The following ZCCHC14 variants were observed in gnomAD, a reference collection of about 807,000 sequenced individuals.
ZCCHC14 encodes zinc finger CCHC domain-containing protein 14.
In ZCCHC14, 16 loss-of-function variants were observed where a neutral mutation model predicts 85.0. That is an observed-to-expected ratio of 0.19 (90% confidence interval 0.13 to 0.29). The LOEUF (loss-of-function observed/expected upper bound fraction) is 0.29. ZCCHC14 is among the 10% of genes least tolerant of loss of function. The pLI is 1.00. For missense variants in ZCCHC14, 1,303 were observed against 1,443.5 expected (o/e 0.90, Z 1.58); for synonymous variants, 775 against 630.7 (o/e 1.23, Z -3.43).
intron 1 of ZCCHC14, chr16:87,467,445 G>C: frequency 6.2e-7 from 1 of 1,605,438 alleles, no homozygotes; most frequent in Non-Finnish European, 8.5e-7. Flanking sequence ...TAAAATGTCT[G>C]CCATTTCTGT....
chr16:87,424,859 T>G (rs1031448077), intron 3 of ZCCHC14, among the ~76,000 whole-genome samples: 1 of 151,952 alleles, frequency 6.6e-6, no homozygotes, highest in Non-Finnish European at 1.5e-5. Flanking sequence ...CAAATGCAAA[T>G]TGCACTCAAG....
intron 4 of ZCCHC14, among the ~76,000 whole-genome samples, chr16:87,422,981 T>C (rs73240814): frequency 0.1 from 15,743 of 152,014 alleles, 2,679 homozygotes; most frequent in African/African-American, 0.36. Flanking sequence ...AAAAGATAAG[T>C]GTAATCAGAC....
At chr16:87,453,643 C>T (rs1456633821) in intron 2 of ZCCHC14, among the ~76,000 whole-genome samples, 1 of 152,218 alleles carries the variant, frequency 6.6e-6, no homozygotes, top group African/African-American at 2.4e-5. Context: ...TGCTGCCTGC[C>T]CCCACCAGCA....
intron 3 of ZCCHC14, among the ~76,000 whole-genome samples, chr16:87,429,768 G>A (rs1253839807): frequency 6.6e-6 from 1 of 152,140 alleles, no homozygotes; most frequent in Non-Finnish European, 1.5e-5. Context: ...TACCACGCCT[G>A]GCTAATTTTT....
intron 2 of ZCCHC14, among the ~76,000 whole-genome samples, chr16:87,455,359 C>T (rs771584652): frequency 1.3e-5 from 2 of 151,918 alleles, no homozygotes; most frequent in Non-Finnish European, 2.9e-5. Context: ...GAGCTGGCCT[C>T]GGCACCCCAA....
rs772563724 is a variant in ZCCHC14 at position 87,492,832 on chromosome 16, C to T, written c.-594G>A. 5.8e-4 allele frequency among the ~76,000 whole-genome samples: 85 copies of T among 147,496 alleles called. No homozygotes were observed. Among genetic ancestry groups the T allele is most frequent in the Non-Finnish European group, 1.1e-3 (74 of 66,286 alleles). Reference sequence around the variant, plus strand: ...ACGCTGGAGGGGGAGGGACGCGCGGCGGGAGGCGCGGAGGGATCCGGCCGG... The same window carrying T: ...ACGCTGGAGGGGGAGGGACGCGCGGTGGGAGGCGCGGAGGGATCCGGCCGG... On this transcript the variant is annotated 5_prime_UTR_variant, in exon 1 of 13. Coordinates refer to ENST00000671377, the MANE Select transcript of ZCCHC14 (RefSeq NM_015144.3). The surrounding 1 kb of genome is among the most constrained non-coding windows in gnomAD (Gnocchi z 6.7).
At chr16:87,451,315 G>C (rs3775789) in intron 2 of ZCCHC14, among the ~76,000 whole-genome samples, 1 of 151,638 alleles carries the variant, frequency 6.6e-6, no homozygotes, top group African/African-American at 2.4e-5. Flanking sequence ...TCCTGCCTTA[G>C]CATCCCAAGC....
chr16:87,431,993 C>T (rs1027891259), intron 3 of ZCCHC14, among the ~76,000 whole-genome samples: 1 of 152,174 alleles, frequency 6.6e-6, no homozygotes, highest in African/African-American at 2.4e-5. Flanking sequence ...AAACGCACAG[C>T]GTAACAACTG....
intron 1 of ZCCHC14, chr16:87,467,161 ACTGT>A: frequency 2.4e-6 from 3 of 1,275,456 alleles, no homozygotes; most frequent in Non-Finnish European, 3.4e-6. Flanking sequence ...ATAGATGAAA[ACTGT>A]CTGCTTTCTC....
At chr16:87,449,010 G>T (rs544695882) in intron 2 of ZCCHC14, among the ~76,000 whole-genome samples, 1 of 152,318 alleles carries the variant, frequency 6.6e-6, no homozygotes, top group Non-Finnish European at 1.5e-5. Flanking sequence ...AATCCTCATG[G>T]CTCCCATGTG....
chr16:87,446,622 C>G (rs1910451312), intron 2 of ZCCHC14, among the ~76,000 whole-genome samples: 1 of 152,164 alleles, frequency 6.6e-6, no homozygotes, highest in Non-Finnish European at 1.5e-5. Flanking sequence ...CAAACTCTAC[C>G]TTTTGAGCAA....
chr16:87,435,295 GTTGTC>G (rs1358781617), intron 2 of ZCCHC14, among the ~76,000 whole-genome samples: 2 of 152,180 alleles, frequency 1.3e-5, no homozygotes, highest in East Asian at 3.9e-4. Context: ...TCAACCCCCA[GTTGTC>G]CTGAAGAACC....
At chr16:87,427,005 G>A (rs570366710) in intron 3 of ZCCHC14, among the ~76,000 whole-genome samples, 11 of 152,350 alleles carry the variant, frequency 7.2e-5, no homozygotes, top group South Asian at 6.2e-4. Flanking sequence ...CCGACGGGAC[G>A]CGGGCTCGCG....
At chr16:87,453,432 C>T (rs1910804181) in intron 2 of ZCCHC14, among the ~76,000 whole-genome samples, 1 of 152,260 alleles carries the variant, frequency 6.6e-6, no homozygotes, top group African/African-American at 2.4e-5. Context: ...CACCCGAGGG[C>T]GGGCCCTGTC....
At chr16:87,436,613 C>A (rs1909935368) in intron 2 of ZCCHC14, among the ~76,000 whole-genome samples, 1 of 152,260 alleles carries the variant, frequency 6.6e-6, no homozygotes, top group African/African-American at 2.4e-5. Context: ...AAATAGCTCA[C>A]ACATGCCGGG....
chr16:87,478,092 G>A (rs1401838451), intron 1 of ZCCHC14, among the ~76,000 whole-genome samples: 7 of 152,198 alleles, frequency 4.6e-5, no homozygotes, highest in Admixed American at 2.0e-4. Context: ...AAATAACATT[G>A]ATAAATTAAC....
At chr16:87,477,204 G>A (rs1281869392) in intron 1 of ZCCHC14, among the ~76,000 whole-genome samples, 1 of 150,280 alleles carries the variant, frequency 6.7e-6, no homozygotes, top group East Asian at 1.9e-4. Flanking sequence ...TAAAATATGT[G>A]CATTTCACTA....
chr16:87,445,482 G>A lies in ZCCHC14; in HGVS notation c.695-12281C>T, dbSNP rs1056465116. Among the ~76,000 whole-genome samples, 14 of 152,110 alleles carry A rather than the reference G, an allele frequency of 9.2e-5. 1 individual carries two copies. Among genetic ancestry groups the A allele is most frequent in the African/African-American group, 3.4e-4 (14 of 41,398 alleles). ...GGAGAGGTTGAATTTCTTTCTTTCTGTTAATTATGATTGCTGTGTTATCTT... is the reference window on the plus strand; with the variant it reads ...GGAGAGGTTGAATTTCTTTCTTTCTATTAATTATGATTGCTGTGTTATCTT... On this transcript the variant is annotated intron_variant, in intron 2 of 12. Transcript: ENST00000671377.
At chr16:87,451,214 G>C (rs1203760622) in intron 2 of ZCCHC14, among the ~76,000 whole-genome samples, 5 of 105,564 alleles carry the variant, frequency 4.7e-5, no homozygotes, top group Admixed American at 2.1e-4. Context: ...TTTTTTTTTT[G>C]AGATAGAGTT....
Sources: allele counts gnomAD v4.1 joint callset (sites outside exome capture counted in the v4.1 genomes callset), GRCh38; gene constraint gnomAD v4.1.1; non-coding constraint Gnocchi (gnomAD v3.1); transcripts MANE v1.5; gene names NCBI Gene and HGNC (gene_info 2026-07-23, HGNC 2026-07-21).